DISC1: variants seen among roughly 807,000 people sequenced by gnomAD.
The protein encoded by DISC1 is disrupted in schizophrenia 1 protein.
Under a neutral mutation model 84.5 loss-of-function variants are expected in DISC1, and 57 were observed. The observed-to-expected ratio is 0.67, with a 90% CI of 0.55 to 0.84. The LOEUF (loss-of-function observed/expected upper bound fraction) is 0.84. Among genes scored for constraint, DISC1 ranks in the 40% least tolerant of loss-of-function variants. The pLI, the probability that DISC1 is intolerant of heterozygous loss-of-function variation, is 0.00. For missense variants in DISC1, 1,000 were observed against 1,057.8 expected (o/e 0.95, Z 0.76); for synonymous variants, 411 against 415.2 (o/e 0.99, Z 0.12).
intron 1 of DISC1, among the ~76,000 whole-genome samples, chr1:231,632,537 A>G (rs977212363): frequency 2.0e-5 from 3 of 152,356 alleles, no homozygotes; most frequent in Non-Finnish European, 2.9e-5. Context: ...TTTATTGTAC[A>G]GTATTGAATG....
intron 9 of DISC1, among the ~76,000 whole-genome samples, chr1:231,925,646 G>T (rs534164572): frequency 9.8e-5 from 15 of 152,308 alleles, no homozygotes; most frequent in African/African-American, 3.6e-4. Context: ...TAAGATCTTT[G>T]CAGATTTATG....
intron 1 of DISC1, among the ~76,000 whole-genome samples, chr1:231,665,030 G>A (rs182993481): frequency 7.9e-5 from 12 of 152,144 alleles, no homozygotes; most frequent in Admixed American, 3.9e-4. Flanking sequence ...TTATCAAAAC[G>A]TATGCAAACA....
At chr1:231,967,567 A>G (rs925540238) in intron 10 of DISC1, among the ~76,000 whole-genome samples, 7 of 152,226 alleles carry the variant, frequency 4.6e-5, no homozygotes, top group African/African-American at 1.7e-4. Flanking sequence ...TTATGTTCTA[A>G]TATTAAACCA....
At position 231,630,113 on chromosome 1, in the gene DISC1, T is replaced by C. The variant is rs1371104078; in HGVS notation, c.67+3179T>C. On this transcript the variant is annotated intron_variant, in intron 1 of 12. Transcript: ENST00000439617. The surrounding 1 kb of genome is among the most constrained non-coding windows in gnomAD (Gnocchi z 4.4). ...ATCCAGCTAATTTTTGTATTTTTAA[T>C]ACAGACAGGGTTTCACCATGTTGAT... Among the ~76,000 whole-genome samples the C allele has an allele frequency of 6.6e-6, 1 of 152,080 alleles. No individual in the cohort carries two copies. Among genetic ancestry groups the C allele is most frequent in the African/African-American group, 2.4e-5 (1 of 41,396 alleles).
chr1:231,846,567 C>T (rs1161560368), intron 9 of DISC1, among the ~76,000 whole-genome samples: 1 of 152,196 alleles, frequency 6.6e-6, no homozygotes, highest in Non-Finnish European at 1.5e-5. Flanking sequence ...TCTGATGCAT[C>T]CTGGGTTTGA....
intron 12 of DISC1, among the ~76,000 whole-genome samples, chr1:232,034,833 G>A (rs1032858958): frequency 2.0e-5 from 3 of 151,742 alleles, no homozygotes; most frequent in African/African-American, 7.3e-5. Context: ...CTTGTATAAA[G>A]TGGTATATGT....
At chr1:231,957,232 C>A (rs891164508) in intron 9 of DISC1, among the ~76,000 whole-genome samples, 3 of 152,184 alleles carry the variant, frequency 2.0e-5, no homozygotes, top group African/African-American at 7.2e-5. Flanking sequence ...TGCTTCTGCC[C>A]TGGGGCCTTC....
chr1:231,905,805 C>CT (rs1392257388), intron 9 of DISC1, among the ~76,000 whole-genome samples: 1 of 151,848 alleles, frequency 6.6e-6, no homozygotes. Flanking sequence ...TGGTAGTAGT[C>CT]TATCATTATT....
At position 231,867,219 on chromosome 1, in the gene DISC1, A is replaced by T. The variant is rs1435013889; in HGVS notation, c.1981+48702A>T. On this transcript the variant is annotated intron_variant, in intron 9 of 12. Coordinates refer to ENST00000439617, the MANE Select transcript of DISC1 (RefSeq NM_018662.3). ...GGGATATTTTATTTAAATCTGCTTT[A>T]AAAAAATCTTCCATGACTTATTCAC... 3.3e-5 allele frequency among the ~76,000 whole-genome samples: 5 copies of T among 149,816 alleles called. No homozygotes were observed. In the East Asian group the frequency reaches 9.6e-4, roughly 29 times the overall value.
chr1:231,693,674 A>C (rs2065307973), intron 1 of DISC1, 152 bp from the exon 2 acceptor site: 1 of 1,131,060 alleles, frequency 8.8e-7, no homozygotes. Flanking sequence ...GATTTACATA[A>C]TGGATTGGCC....
chr1:231,917,875 C>G (rs893046799), intron 9 of DISC1, among the ~76,000 whole-genome samples: 2 of 152,232 alleles, frequency 1.3e-5, no homozygotes, highest in African/African-American at 4.8e-5. Context: ...TGTTATCACA[C>G]TTTAGTTCTT....
intron 6 of DISC1, among the ~76,000 whole-genome samples, chr1:231,791,422 T>G (rs193181292): frequency 3.3e-5 from 5 of 152,348 alleles, no homozygotes; most frequent in Admixed American, 3.3e-4. Context: ...TTGATGAAAT[T>G]TTCTTGTCTT....
intron 9 of DISC1, among the ~76,000 whole-genome samples, chr1:231,870,605 G>A (rs1011799371): frequency 1.3e-5 from 2 of 152,202 alleles, no homozygotes; most frequent in Admixed American, 1.3e-4. Context: ...GCTTCAGCTT[G>A]ATCAGTGCAG....
rs77817293 is a variant in DISC1 at position 231,969,531 on chromosome 1, C to T, written c.2042+10643C>T. The stretch of plus-strand genomic sequence containing the variant: ...CCCTCAGTGGAGCTCAAAAGAAAAT[C>T]GTCTTGACCTCAGAGACAGCATTTT... On this transcript the variant is annotated intron_variant, in intron 10 of 12. Coordinates refer to ENST00000439617, the MANE Select transcript of DISC1 (RefSeq NM_018662.3). Among the ~76,000 whole-genome samples, 649 of 151,704 alleles carry T rather than the reference C, an allele frequency of 4.3e-3. 8 individuals carry two copies. The highest frequency in any genetic ancestry group is 0.014 in the African/African-American group (578 of 41,370).
chr1:231,801,183 T>C (rs2079212121), intron 8 of DISC1, among the ~76,000 whole-genome samples: 1 of 152,162 alleles, frequency 6.6e-6, no homozygotes, highest in African/African-American at 2.4e-5. Context: ...ACGCGTATTA[T>C]TTACAACCAG....
At chr1:232,010,815 C>T (rs997196400) in intron 11 of DISC1, among the ~76,000 whole-genome samples, 1 of 152,072 alleles carries the variant, frequency 6.6e-6, no homozygotes, top group Admixed American at 6.5e-5. Context: ...CCTGTTTGCT[C>T]GGATTCTTCG....
In DISC1 at chr1:231,630,445, A is replaced by G. The variant is rs1366922205; in HGVS notation, c.67+3511A>G. ...AGTACCAGGATTACAGATGTGAACC[A>G]TTGCACCTGGCCAGAATCATTCTTT... On this transcript the variant is annotated intron_variant, in intron 1 of 12. Coordinates refer to ENST00000439617, the MANE Select transcript of DISC1 (RefSeq NM_018662.3). The surrounding 1 kb of genome is among the most constrained non-coding windows in gnomAD (Gnocchi z 4.4). 6.6e-6 allele frequency among the ~76,000 whole-genome samples: 1 copy of G among 152,028 alleles called. No homozygotes were observed. The highest frequency in any genetic ancestry group is 1.5e-5 in the Non-Finnish European group (1 of 68,018).
chr1:231,712,845 T>C (rs2068057067), intron 3 of DISC1, among the ~76,000 whole-genome samples: 1 of 152,176 alleles, frequency 6.6e-6, no homozygotes, highest in South Asian at 2.1e-4. Flanking sequence ...AGATTACTGG[T>C]TGAGGTGTAC....
At chr1:231,935,184 T>C (rs1284631217) in intron 9 of DISC1, among the ~76,000 whole-genome samples, 1 of 152,216 alleles carries the variant, frequency 6.6e-6, no homozygotes, top group African/African-American at 2.4e-5. Flanking sequence ...GAGTGTTTAA[T>C]ATGCAAGTGA....
Sources: gnomAD v4.1 joint callset for allele counts (sites outside exome capture counted in the v4.1 genomes callset) on GRCh38, gnomAD v4.1.1 for gene constraint, Gnocchi (gnomAD v3.1) non-coding constraint, MANE v1.5 for transcripts, NCBI Gene and HGNC (gene_info 2026-07-23, HGNC 2026-07-21) for gene names.